Variants in COL5A2 observed in about 807,000 individuals in gnomAD.
COL5A2 encodes collagen type V alpha 2 chain.
Under a neutral mutation model 208.2 loss-of-function variants are expected in COL5A2, and 23 were observed. The observed-to-expected ratio is 0.11, with a 90% confidence interval of 0.08 to 0.16. The LOEUF is 0.16. COL5A2 is among the 10% of genes least tolerant of loss of function. The pLI, the probability that COL5A2 is intolerant of heterozygous loss-of-function variation, is 1.00. For missense variants in COL5A2, 1,590 were observed against 1,956.4 expected (o/e 0.81, Z 3.53); for synonymous variants, 625 against 628.5 (o/e 0.99, Z 0.08).
intron 1 of COL5A2, among the ~76,000 whole-genome samples, chr2:189,113,649 G>A (rs1687328665): frequency 6.7e-6 from 1 of 148,632 alleles, no homozygotes. Flanking sequence ...TTTGTTTATT[G>A]TATAAATCTT....
chr2:189,350,033 T>C, the COL5A2 span, among the ~76,000 whole-genome samples: 1 of 152,186 alleles, frequency 6.6e-6, no homozygotes, highest in African/African-American at 2.4e-5. Flanking sequence ...AATTTATTCA[T>C]ATTATAAATA....
At chr2:189,391,716 C>T in the COL5A2 span, among the ~76,000 whole-genome samples, 1 of 152,054 alleles carries the variant, frequency 6.6e-6, no homozygotes, top group Non-Finnish European at 1.5e-5. Context: ...GGTATACTTA[C>T]ATACTGTCTT....
chr2:189,373,294 G>T, the COL5A2 span, among the ~76,000 whole-genome samples: 16 of 152,058 alleles, frequency 1.1e-4, no homozygotes, highest in Admixed American at 2.6e-4. Flanking sequence ...AACTATACAA[G>T]ATTCCTTTAA....
intron 1 of COL5A2, among the ~76,000 whole-genome samples, chr2:189,130,065 C>T (rs1687681455): frequency 6.6e-6 from 1 of 152,006 alleles, no homozygotes; most frequent in Non-Finnish European, 1.5e-5. Flanking sequence ...CGTTTTCTGT[C>T]TTCTCCATGC....
intron 2 of COL5A2, among the ~76,000 whole-genome samples, chr2:189,106,982 T>C (rs1042942056): frequency 6.6e-6 from 1 of 151,508 alleles, no homozygotes; most frequent in Non-Finnish European, 1.5e-5. Context: ...CTTAATATTT[T>C]ATTTAGAATT....
the COL5A2 span, among the ~76,000 whole-genome samples, chr2:189,398,993 C>G: frequency 6.6e-6 from 1 of 152,072 alleles, no homozygotes; most frequent in Non-Finnish European, 1.5e-5. Flanking sequence ...TCCATAAATT[C>G]TCTCTCATAC....
chr2:189,108,858 A>G (rs1687202230), intron 2 of COL5A2, among the ~76,000 whole-genome samples: 1 of 151,342 alleles, frequency 6.6e-6, no homozygotes, highest in African/African-American at 2.4e-5. Context: ...ATGATCCCTC[A>G]TATTTCATCT....
intron 2 of COL5A2, among the ~76,000 whole-genome samples, chr2:189,106,928 C>T (rs1397812270): frequency 1.3e-5 from 2 of 151,124 alleles, no homozygotes; most frequent in African/African-American, 2.4e-5. Flanking sequence ...GTGGAATAAT[C>T]GCCACTTTTT....
chr2:189,395,749 C>CA, the COL5A2 span, among the ~76,000 whole-genome samples: 3,592 of 149,038 alleles, frequency 0.024, 153 homozygotes, highest in African/African-American at 0.084. Flanking sequence ...ATTAAAAATA[C>CA]AAAAAAAAAT....
At position 189,075,135 on chromosome 2, in the gene COL5A2, T is replaced by C. The variant is rs557640311; in HGVS notation, c.1104+258A>G. 3.1e-4 allele frequency among the ~76,000 whole-genome samples: 47 copies of C among 152,314 alleles called. No homozygotes were observed. In the South Asian group the frequency reaches 6.6e-3, roughly 21 times the overall value. The stretch of plus-strand genomic sequence containing the variant: ...GCCCATTTTATATATTAAATACTTA[T>C]CTTTCAGGACTTGGCTTGAAAGTTG... On this transcript the variant is annotated intron_variant, in intron 17 of 53. Transcript: ENST00000374866.
At chr2:189,376,425 T>C in the COL5A2 span, among the ~76,000 whole-genome samples, 1 of 152,160 alleles carries the variant, frequency 6.6e-6, no homozygotes, top group Non-Finnish European at 1.5e-5. Context: ...AAGATAAAAA[T>C]ATACTTGTAG....
chr2:189,227,170 A>G (rs563541351), upstream of COL5A2, among the ~76,000 whole-genome samples: 16 of 152,214 alleles, frequency 1.1e-4, no homozygotes, highest in African/African-American at 3.4e-4. Context: ...TTGTATTTTC[A>G]AATATCCAGA....
chr2:189,344,906 A>C, the COL5A2 span, among the ~76,000 whole-genome samples: 3 of 152,242 alleles, frequency 2.0e-5, no homozygotes, highest in Non-Finnish European at 4.4e-5. Flanking sequence ...CAAGCAATGT[A>C]TGCCTGGTCA....
intron 1 of COL5A2, among the ~76,000 whole-genome samples, chr2:189,195,758 C>T (rs963520675): frequency 6.6e-6 from 1 of 152,046 alleles, no homozygotes; most frequent in Admixed American, 6.6e-5. Context: ...AACTGGCTAG[C>T]CATACAAAGA....
At chr2:189,187,181 GT>G (rs1303207919) in intron 1 of COL5A2, among the ~76,000 whole-genome samples, 1 of 152,150 alleles carries the variant, frequency 6.6e-6, no homozygotes, top group Non-Finnish European at 1.5e-5. Context: ...CAATAACTCA[GT>G]GAAATAATAT....
At chr2:189,079,155 T>C (rs558250882) in intron 14 of COL5A2, 48 bp from the exon 15 acceptor site, 8 of 1,383,300 alleles carry the variant, frequency 5.8e-6, no homozygotes, top group South Asian at 4.7e-5. Context: ...CTACAACCGA[T>C]ACATCACTTT....
intron 1 of COL5A2, among the ~76,000 whole-genome samples, chr2:189,211,613 A>G (rs944841925): frequency 6.6e-6 from 1 of 152,212 alleles, no homozygotes; most frequent in African/African-American, 2.4e-5. Flanking sequence ...ATGGCCACAA[A>G]TAAATAGATA....
chr2:189,056,949 T>C, intron 35 of COL5A2, 24 bp downstream of exon 35: 1 of 1,612,542 alleles, frequency 6.2e-7, no homozygotes, highest in Non-Finnish European at 8.5e-7. Flanking sequence ...CTAGCCCAGC[T>C]AGAAAAGGAA....
At chr2:189,086,864 G>T in intron 8 of COL5A2, 94 bp from the exon 9 acceptor site, 2 of 1,110,834 alleles carry the variant, frequency 1.8e-6, no homozygotes, top group Non-Finnish European at 2.7e-6. Flanking sequence ...ATCTGGAAAA[G>T]TGAAGTTTTG....
Sources: allele counts gnomAD v4.1 joint callset (sites outside exome capture counted in the v4.1 genomes callset), GRCh38; gene constraint gnomAD v4.1.1; transcripts MANE v1.5; gene names NCBI Gene and HGNC (gene_info 2026-07-23, HGNC 2026-07-21).